Variants in SHANK1 observed in about 807,000 individuals in gnomAD.
SHANK1 encodes the protein SH3 and multiple ankyrin repeat domains protein 1.
Under a neutral mutation model 165.6 loss-of-function variants are expected in SHANK1, and 35 were observed. The ratio of observed to expected loss-of-function variants is 0.21; its 90% CI spans 0.16 to 0.28. The LOEUF is 0.28. Ranked by LOEUF, SHANK1 falls within the 10% of genes least tolerant of loss-of-function variation. SHANK1 has a pLI of 1.00. For synonymous variants in SHANK1, 1,428 were observed against 1,384.8 expected (o/e 1.03, Z -0.69); for missense variants, 2,681 against 3,036.4 (o/e 0.88, Z 2.75).
At position 50,713,324 on chromosome 19, in the gene SHANK1, G is replaced by T. The variant is rs923810973; in HGVS notation, c.792+474C>A. Among the ~76,000 whole-genome samples the T allele has an allele frequency of 6.6e-6, 1 of 152,014 alleles. No individual in the cohort carries two copies. Among genetic ancestry groups the T allele is most frequent in the Non-Finnish European group, 1.5e-5 (1 of 67,992 alleles). ...GGAAAGTGCATTTGAGGCTGTGTAC[G>T]TGGGGAAGGGGCTGTATTTGCATGT... On this transcript the variant is annotated intron_variant, in intron 6 of 23. Transcript: ENST00000293441. This position sits in a 1 kb window ranked among gnomAD's most constrained non-coding sequence, Gnocchi z 6.2.
Position 50,713,686 on chromosome 19 carries a change from G to A in SHANK1, c.792+112C>T, listed in dbSNP as rs2089035552. 2 of 1,364,628 alleles carry A rather than the reference G, an allele frequency of 1.5e-6. No individual in the cohort carries two copies. Among genetic ancestry groups the A allele is most frequent in the Admixed American group, 1.9e-5 (1 of 53,878 alleles). The allele number at this position is 1,364,628 out of a possible 1,614,324, so 84.5% of individuals were successfully genotyped here. A position where few individuals can be genotyped will look rare whatever the true frequency, so the allele number is the denominator to read the frequency against. On this transcript the variant is annotated intron_variant, in intron 6 of 23. Transcript: ENST00000293441. This position sits in a 1 kb window ranked among gnomAD's most constrained non-coding sequence, Gnocchi z 6.2. ...CTATGGAAAGGGGCTTTGAACTGGG[G>A]ACATGAGAGGGCCTATTTTTAACTG...
intron 15 of SHANK1, among the ~76,000 whole-genome samples, chr19:50,693,655 C>T (rs1239919602): frequency 1.3e-5 from 2 of 152,130 alleles, no homozygotes; most frequent in East Asian, 2.0e-4. Context: ...CCCCCAACCC[C>T]GCACTCAGCC....
In SHANK1 at chr19:50,697,542, G is replaced by C. The variant is rs778007954; in HGVS notation, c.1937+47C>G. The stretch of plus-strand genomic sequence containing the variant: ...AATATTTAAAGGTGTACATTGTGAA[G>C]GGAACTTGGGGTGAGGGGGGTTGCC... On this transcript the variant is annotated intron_variant, in intron 14 of 23. Transcript: ENST00000293441. This position sits in a 1 kb window ranked among gnomAD's most constrained non-coding sequence, Gnocchi z 4.7. The C allele has an allele frequency of 1.5e-5, 21 of 1,377,926 alleles. No individual in the cohort carries two copies. The highest frequency in any genetic ancestry group is 2.2e-5 in the Non-Finnish European group (21 of 964,972). The allele number at this position is 1,377,926 out of a possible 1,614,324, so 85.4% of individuals were successfully genotyped here.
intron 21 of SHANK1, among the ~76,000 whole-genome samples, chr19:50,673,474 T>C (rs1985872036): frequency 6.6e-6 from 1 of 152,100 alleles, no homozygotes; most frequent in South Asian, 2.1e-4. Flanking sequence ...TTCCCTCTTA[T>C]TGTCACAGTT....
chr19:50,663,582 C>T (rs905234107), intron 23 of SHANK1, among the ~76,000 whole-genome samples: 1 of 152,082 alleles, frequency 6.6e-6, no homozygotes. Flanking sequence ...TCCTATGTCC[C>T]TAGACTATGA....
chr19:50,714,896 C>T (rs572205051), intron 4 of SHANK1, among the ~76,000 whole-genome samples: 4 of 152,064 alleles, frequency 2.6e-5, no homozygotes, highest in South Asian at 2.1e-4. Flanking sequence ...ACACTCACAG[C>T]GAGTCTTAGT....
At chr19:50,689,330 C>CATCAT (rs1309140145) in intron 15 of SHANK1, 51 bp from the exon 16 acceptor site, 1 of 1,331,264 alleles carries the variant, frequency 7.5e-7, no homozygotes, top group African/African-American at 1.4e-5. Context: ...GTGGAGAAGA[C>CATCAT]ATCATGAGAC....
Position 50,688,072 on chromosome 19 carries a change from A to AC in SHANK1, c.2173-15dup. On this transcript the variant is annotated splice_polypyrimidine_tract_variant and intron_variant, in intron 17 of 23. Coordinates refer to ENST00000293441, the MANE Select transcript of SHANK1 (RefSeq NM_016148.5). The surrounding 1 kb of genome is among the most constrained non-coding windows in gnomAD (Gnocchi z 6.7). ...CTGCCCGTTCACCTGTGGCACAGAC[A>AC]CCCCCAGATCACACAGAGTAGACGA... The AC allele has an allele frequency of 6.2e-7, 1 of 1,613,062 alleles. No homozygotes were observed. Among genetic ancestry groups the AC allele is most frequent in the Non-Finnish European group, 8.5e-7 (1 of 1,179,748 alleles).
chr19:50,690,712 T>G lies in SHANK1; in HGVS notation c.1965-1433A>C, dbSNP rs559729459. Among the ~76,000 whole-genome samples the G allele has an allele frequency of 1.3e-5, 2 of 152,222 alleles. No individual in the cohort carries two copies. Among genetic ancestry groups the G allele is most frequent in the Non-Finnish European group, 2.9e-5 (2 of 68,008 alleles). ...AAACAGCCGTCCTCGAATACTCCAGTATGTTTCGGCAACCCCCACACATCC... is the reference window on the plus strand; with the variant it reads ...AAACAGCCGTCCTCGAATACTCCAGGATGTTTCGGCAACCCCCACACATCC... On this transcript the variant is annotated intron_variant, in intron 15 of 23. Coordinates refer to ENST00000293441, the MANE Select transcript of SHANK1 (RefSeq NM_016148.5). This position sits in a 1 kb window ranked among gnomAD's most constrained non-coding sequence, Gnocchi z 4.9.
chr19:50,662,249 C>T lies in SHANK1; in HGVS notation c.6202G>A (p.Ala2068Thr), dbSNP rs1985267137. The T allele has an allele frequency of 6.2e-7, 1 of 1,610,600 alleles. No homozygotes were observed. The highest frequency in any genetic ancestry group is 8.5e-7 in the Non-Finnish European group (1 of 1,177,760). The stretch of plus-strand genomic sequence containing the variant: ...AGGGAGCGCGAGGCCCCTGACAAGG[C>T]TCCCCCGAGCCCCCCGGATATCCCC... ...HPGISGGLGG[A>T]LSGASRSLSP... Residue 2068 changes from alanine to threonine, a missense_variant, in exon 24 of 24, where the codon GCC (alanine) becomes ACC (threonine). Transcript: ENST00000293441. The surrounding 1 kb of genome is among the most constrained non-coding windows in gnomAD (Gnocchi z 7.7).
chr19:50,670,434 G>C lies in SHANK1; in HGVS notation c.2675-1149C>G, dbSNP rs2123090394. Reference sequence around the variant, plus strand: ...CTGTCACCTCCTCTTTGGTCCCCCGGCTTCCCAGCTCATCCCCTTCAATCT... The same window carrying C: ...CTGTCACCTCCTCTTTGGTCCCCCGCCTTCCCAGCTCATCCCCTTCAATCT... On this transcript the variant is annotated intron_variant, in intron 22 of 23. Transcript: ENST00000293441. The surrounding 1 kb of genome is among the most constrained non-coding windows in gnomAD (Gnocchi z 4.1). 6.6e-6 allele frequency among the ~76,000 whole-genome samples: 1 copy of C among 152,238 alleles called. No individual in the cohort carries two copies. The highest frequency in any genetic ancestry group is 6.5e-5 in the Admixed American group (1 of 15,296).
rs1985135862 is a variant in SHANK1 at position 50,660,066 on chromosome 19, G to A, written c.*1899C>T. On this transcript the variant is annotated 3_prime_UTR_variant, in exon 24 of 24. Transcript: ENST00000293441. ...CTCTCGGGGGTAGGGGGCAGCAGAGGGGGAATGGGCTTGGGGAAGGAGGGG... is the reference window on the plus strand; with the variant it reads ...CTCTCGGGGGTAGGGGGCAGCAGAGAGGGAATGGGCTTGGGGAAGGAGGGG... 6.6e-6 allele frequency among the ~76,000 whole-genome samples: 1 copy of A among 151,422 alleles called. No individual in the cohort carries two copies. Among genetic ancestry groups the A allele is most frequent in the Non-Finnish European group, 1.5e-5 (1 of 67,766 alleles).
In SHANK1 at chr19:50,716,161, C is replaced by T. The variant is rs973430803; in HGVS notation, c.459+114G>A. The T allele has an allele frequency of 3.3e-5, 32 of 956,668 alleles. No homozygotes were observed. Among genetic ancestry groups the T allele is most frequent in the Non-Finnish European group, 4.5e-5 (27 of 603,650 alleles). The allele number at this position is 956,668 out of a possible 1,614,324, so 59.3% of individuals were successfully genotyped here. ...CTGTGATGCTTAGAAGGTCTGGACT[C>T]GCACACTGGGTGCCCCCTCGTTAAG... is the stretch of plus-strand genomic sequence containing the variant. On this transcript the variant is annotated intron_variant, in intron 3 of 23. Transcript: ENST00000293441. This position sits in a 1 kb window ranked among gnomAD's most constrained non-coding sequence, Gnocchi z 8.4.
In SHANK1 at chr19:50,674,058, G is replaced by A. The variant is rs145227016; in HGVS notation, c.2578-1944C>T. On this transcript the variant is annotated intron_variant, in intron 21 of 23. Transcript: ENST00000293441. ...TCCTCCCACTTTGGCCTCCCCAAAA[G>A]TTCTCAGATTACAGGCATGAGCCAC... Among the ~76,000 whole-genome samples the A allele has an allele frequency of 1.3e-3, 203 of 151,174 alleles. 1 individual carries two copies. Among genetic ancestry groups the A allele is most frequent in the South Asian group, 0.011 (53 of 4,798 alleles).
chr19:50,697,479 G>A lies in SHANK1; in HGVS notation c.1937+110C>T. ...TATCCCACCCCTGGATCAAACTTGA[G>A]AAGGAACAGATTAGAAAGGGGGCTT... On this transcript the variant is annotated intron_variant, in intron 14 of 23. Coordinates refer to ENST00000293441, the MANE Select transcript of SHANK1 (RefSeq NM_016148.5). The surrounding 1 kb of genome is among the most constrained non-coding windows in gnomAD (Gnocchi z 4.7). 1 of 954,934 alleles carries A rather than the reference G, an allele frequency of 1.0e-6. No homozygotes were observed. Among genetic ancestry groups the A allele is most frequent in the Non-Finnish European group, 1.7e-6 (1 of 587,036 alleles). The allele number at this position is 954,934 out of a possible 1,614,324, so 59.2% of individuals were successfully genotyped here.
At position 50,702,906 on chromosome 19, in the gene SHANK1, C is replaced by T. The variant is rs537903078; in HGVS notation, c.1554-246G>A. On this transcript the variant is annotated intron_variant, in intron 11 of 23. Transcript: ENST00000293441. The surrounding 1 kb of genome is among the most constrained non-coding windows in gnomAD (Gnocchi z 5.3). ...CCCCCTCCCACGGTCCTGCGCGCAC[C>T]GCCTGATTCAGCTTCCTGAGGCTGA... 2.6e-4 allele frequency among the ~76,000 whole-genome samples: 39 copies of T among 152,252 alleles called. No homozygotes were observed. In the South Asian group the frequency reaches 3.7e-3, roughly 15 times the overall value.
Position 50,668,894 on chromosome 19 carries a change from A to C in SHANK1, c.3066T>G (p.His1022Gln). ...AGCCGCCTGTCTCCATCTCGGGAGG[A>C]TGAGGGGGGTGGGCGTGGTGGTGGT... ...QPHHHHAHPPHPPEMETGGSP... is the reference protein window; with the variant it reads ...QPHHHHAHPPQPPEMETGGSP... Residue 1022 changes from histidine (H) to glutamine (Q), a missense_variant, in exon 23 of 24, where the codon CAT (histidine) becomes CAG (glutamine). Around this residue, in one of 10 missense-constraint regions of SHANK1, gnomAD observed 1,713 missense variants for 1,630.2 expected, o/e 1.05. Coordinates refer to ENST00000293441, the MANE Select transcript of SHANK1 (RefSeq NM_016148.5). 1 of 645,902 alleles carries C rather than the reference A, an allele frequency of 1.5e-6. No homozygotes were observed. 40.0% of individuals were successfully genotyped at this position (645,902 alleles called of 1,614,324 possible).
chr19:50,666,520 C>A lies in SHANK1; in HGVS notation c.5440G>T (p.Gly1814Cys). The A allele has an allele frequency of 6.3e-7, 1 of 1,585,962 alleles. No individual in the cohort carries two copies. The highest frequency in any genetic ancestry group is 8.6e-7 in the Non-Finnish European group (1 of 1,169,184). ...SGPPTAGVAG[G>C]PVAVEPEVPP... is the part of the protein sequence containing the mutation. ...ACTTCTGGCTCTACAGCCACCGGAC[C>A]CCCCGCCACGCCTGCCGTGGGGGGT... Residue 1814 changes from glycine to cysteine, a missense_variant, in exon 23 of 24, where the codon GGT (glycine) becomes TGT (cysteine). By Grantham distance (159) the Gly-to-Cys change is radical. Coordinates refer to ENST00000293441, the MANE Select transcript of SHANK1 (RefSeq NM_016148.5).
intron 3 of SHANK1, among the ~76,000 whole-genome samples, chr19:50,715,961 G>A (rs1413867453): frequency 6.6e-6 from 1 of 152,166 alleles, no homozygotes; most frequent in Non-Finnish European, 1.5e-5. Flanking sequence ...TGCCTTGAAG[G>A]AGGAGGAGTC....
Sources: allele counts gnomAD v4.1 joint callset (sites outside exome capture counted in the v4.1 genomes callset), GRCh38; gene constraint gnomAD v4.1.1; regional missense constraint gnomAD v4.1.1; non-coding constraint Gnocchi (gnomAD v3.1); transcripts MANE v1.5; gene names NCBI Gene and HGNC (gene_info 2026-07-23, HGNC 2026-07-21).